MYO9A: variants seen among roughly 807,000 people sequenced by gnomAD.
MYO9A encodes myosin IXA.
MYO9A carries 103 observed loss-of-function variants against 293.3 expected under a neutral mutation model. That is an observed-to-expected ratio of 0.35 (90% CI 0.30 to 0.41). MYO9A has a LOEUF of 0.41. Ranked by LOEUF, MYO9A falls within the 10% of genes least tolerant of loss-of-function variation. The probability of loss-of-function intolerance (pLI) is 1.00; values close to 1 mark genes in which losing one functional copy is unlikely to be tolerated. For missense variants in MYO9A, 2,685 were observed against 3,033.0 expected (o/e 0.89, Z 2.69); for synonymous variants, 1,001 against 1,035.7 (o/e 0.97, Z 0.64).
chr15:71,966,287 T>TGTG (rs1180032438), intron 13 of MYO9A, among the ~76,000 whole-genome samples: 1 of 151,460 alleles, frequency 6.6e-6, no homozygotes, highest in Non-Finnish European at 1.5e-5. Flanking sequence ...TGTGTGTGTG[T>TGTG]GTGTGTGTGT....
At chr15:71,959,657 C>G (rs1198844915) in intron 14 of MYO9A, 3 of 462,572 alleles carry the variant, frequency 6.5e-6, no homozygotes, top group Admixed American at 7.2e-5. Context: ...AAAATGAACA[C>G]TTCATGAACA....
In MYO9A at chr15:72,117,676, T is replaced by C; in HGVS notation, c.-72+4A>G. The C allele has an allele frequency of 2.5e-6, 1 of 396,304 alleles. No individual in the cohort carries two copies. The highest frequency in any genetic ancestry group is 2.1e-5 in the African/African-American group (1 of 48,620). 24.5% of individuals were successfully genotyped at this position (396,304 alleles called of 1,614,324 possible). Reference sequence around the variant, plus strand: ...GGGCCGCTGGGCGCTTGGGCGGGTCTTACCTCGGGCTCCGCCGCGGTGGCC... The same window carrying C: ...GGGCCGCTGGGCGCTTGGGCGGGTCCTACCTCGGGCTCCGCCGCGGTGGCC... On this transcript the variant is annotated splice_donor_region_variant and intron_variant, in intron 1 of 41. Transcript: ENST00000356056.
Position 71,916,510 on chromosome 15 carries a change from A to C in MYO9A, c.2563-18T>G. Reference sequence around the variant, plus strand: ...AGCAAGTGCTGAAAGAAGAGAAAAAATAAATTGCTCACATAAATTAATCTA... The same window carrying C: ...AGCAAGTGCTGAAAGAAGAGAAAAACTAAATTGCTCACATAAATTAATCTA... On this transcript the variant is annotated intron_variant, in intron 18 of 41. Transcript: ENST00000356056. 1 of 1,587,434 alleles carries C rather than the reference A, an allele frequency of 6.3e-7. No homozygotes were observed. Among genetic ancestry groups the C allele is most frequent in the Non-Finnish European group, 8.5e-7 (1 of 1,173,480 alleles).
chr15:72,063,057 C>T (rs4131630), intron 1 of MYO9A, among the ~76,000 whole-genome samples: 30,248 of 152,064 alleles, frequency 0.2, 3,267 homozygotes, highest in East Asian at 0.41. Flanking sequence ...TAACAACAGA[C>T]GAATGAAACA....
intron 1 of MYO9A, among the ~76,000 whole-genome samples, chr15:72,057,306 C>A (rs1288367595): frequency 3.3e-5 from 5 of 151,998 alleles, no homozygotes; most frequent in Non-Finnish European, 7.4e-5. Flanking sequence ...CTTACTCATG[C>A]AACCAAGCAT....
intron 13 of MYO9A, 44 bp from the exon 14 acceptor site, chr15:71,960,140 T>C (rs749652704): frequency 6.4e-7 from 1 of 1,557,028 alleles, no homozygotes; most frequent in Non-Finnish European, 8.8e-7. Context: ...AAAAAAAAAT[T>C]ATGAAAAACA....
intron 8 of MYO9A, among the ~76,000 whole-genome samples, chr15:72,004,426 G>A (rs796281889): frequency 1.9e-4 from 29 of 152,116 alleles, no homozygotes; most frequent in African/African-American, 4.8e-4. Context: ...GCATGGTGGC[G>A]CATACCTGTA....
chr15:71,849,935 C>T (rs1194890661), intron 38 of MYO9A, 101 bp downstream of exon 38: 2 of 944,116 alleles, frequency 2.1e-6, no homozygotes, highest in African/African-American at 3.6e-5. Flanking sequence ...TTAAAAACAC[C>T]TGAATTTATG....
intron 1 of MYO9A, among the ~76,000 whole-genome samples, chr15:72,054,388 T>G (rs992886116): frequency 1.3e-5 from 2 of 151,548 alleles, no homozygotes; most frequent in East Asian, 1.9e-4. Flanking sequence ...AAAGCAGGAG[T>G]AGGGCCAGGC....
Position 72,046,592 on chromosome 15 carries a change from G to C in MYO9A, c.-29C>G. On this transcript the variant is annotated 5_prime_UTR_variant, in exon 2 of 42. The change creates a premature stop within an existing upstream ORF in the 5' untranslated region. Transcript: ENST00000356056. Reference sequence around the variant, plus strand: ...GGATCCTGTCCCATCAGCATGGATAGTATATGTTCAAAGTCGTGCAAACCA... The same window carrying C: ...GGATCCTGTCCCATCAGCATGGATACTATATGTTCAAAGTCGTGCAAACCA... 6.6e-7 allele frequency: 1 copy of C among 1,523,932 alleles called. No individual in the cohort carries two copies. The highest frequency in any genetic ancestry group is 1.3e-5 in the South Asian group (1 of 75,428). 94.4% of individuals were successfully genotyped at this position (1,523,932 alleles called of 1,614,324 possible). A position where few individuals can be genotyped will look rare whatever the true frequency, so the allele number is the denominator to read the frequency against.
At chr15:71,870,968 T>C (rs1413002403) in intron 32 of MYO9A, among the ~76,000 whole-genome samples, 1 of 152,198 alleles carries the variant, frequency 6.6e-6, no homozygotes, top group East Asian at 1.9e-4. Context: ...AGACAACTGA[T>C]ACACTATTAA....
At position 72,046,523 on chromosome 15, in the gene MYO9A, T is replaced by C. The variant is rs1203157919; in HGVS notation, c.41A>G (p.Asn14Ser). ...AGGATATATCCGTAATGTATGTTCA[T>C]TATCTTCAAAGCGTCGTCTTCCTCC... The part of the protein sequence containing the change: ...NDGGRRRFED[N>S]EHTLRIYPGA... The change falls in exon 2 of 42, where the codon AAT becomes AGT. Residue 14 changes from asparagine to serine, a missense_variant. Around this residue, in one of 10 missense-constraint regions of MYO9A, gnomAD observed 67 missense variants for 63.2 expected, o/e 1.06. Transcript: ENST00000356056. 1.9e-6 allele frequency: 3 copies of C among 1,610,060 alleles called. No individual in the cohort carries two copies. Among genetic ancestry groups the C allele is most frequent in the East Asian group, 2.2e-5 (1 of 44,858 alleles).
chr15:71,886,682 T>A (rs907440881), intron 27 of MYO9A, among the ~76,000 whole-genome samples: 2 of 152,172 alleles, frequency 1.3e-5, no homozygotes, highest in Non-Finnish European at 2.9e-5. Flanking sequence ...TAAAGTCCAT[T>A]TACTTTTTGG....
At chr15:71,999,827 C>T (rs1207508787) in intron 9 of MYO9A, 24 bp downstream of exon 9, 1 of 1,590,544 alleles carries the variant, frequency 6.3e-7, no homozygotes, top group South Asian at 1.1e-5. Context: ...AGAATGCTTT[C>T]ATTTCAAAGA....
intron 28 of MYO9A, among the ~76,000 whole-genome samples, 189 bp from the exon 29 acceptor site, chr15:71,880,747 A>C (rs138761702): frequency 2.6e-5 from 4 of 152,342 alleles, no homozygotes; most frequent in African/African-American, 9.6e-5. Flanking sequence ...TTTGTACAGA[A>C]AGCGTATTTA....
chr15:72,004,568 C>CA (rs576953440), intron 8 of MYO9A, among the ~76,000 whole-genome samples: 398 of 150,258 alleles, frequency 2.6e-3, no homozygotes, highest in Non-Finnish European at 4.7e-3. Flanking sequence ...AAAAAAACAA[C>CA]AAAAAAAAAC....
intron 30 of MYO9A, among the ~76,000 whole-genome samples, chr15:71,878,902 A>G (rs2415126): frequency 0.37 from 56,631 of 151,530 alleles, 12,129 homozygotes; most frequent in East Asian, 0.61. Context: ...GATTACAAGC[A>G]TGCACCACCA....
chr15:72,032,112 T>C, intron 3 of MYO9A, among the ~76,000 whole-genome samples: 1 of 152,140 alleles, frequency 6.6e-6, no homozygotes, highest in East Asian at 1.9e-4. Flanking sequence ...TTTCACTATA[T>C]GTTGGTCAGG....
intron 12 of MYO9A, among the ~76,000 whole-genome samples, chr15:71,976,272 G>C (rs1203186578): frequency 6.6e-6 from 1 of 152,148 alleles, no homozygotes; most frequent in Non-Finnish European, 1.5e-5. Context: ...TGTGGTGTTA[G>C]AGTAAAGGAA....
Sources: allele counts gnomAD v4.1 joint callset (sites outside exome capture counted in the v4.1 genomes callset), GRCh38; gene constraint gnomAD v4.1.1; regional missense constraint gnomAD v4.1.1; transcripts MANE v1.5; gene names NCBI Gene and HGNC (gene_info 2026-07-23, HGNC 2026-07-21).